CELF3: variants seen among roughly 807,000 people sequenced by gnomAD.
CELF3 encodes CUGBP Elav-like family member 3, also known as CAG repeat domain.
CELF3 carries 26 observed loss-of-function variants against 59.6 expected under a neutral mutation model. The ratio of observed to expected loss-of-function variants is 0.44; its 90% CI spans 0.32 to 0.61. The LOEUF is 0.61. Among genes scored for constraint, CELF3 ranks in the 20% least tolerant of loss-of-function variants. The pLI is 0.06. For synonymous variants in CELF3, 245 were observed against 250.7 expected, an observed-to-expected ratio of 0.98 and a Z score of 0.22; for missense variants, 387 against 627.2, an observed-to-expected ratio of 0.62 and a Z score of 4.09.
rs554683989 is a variant in CELF3, at chr1:151,705,576, A to C, written c.1270+246T>G. On this transcript the variant is annotated intron_variant, in intron 11 of 12. Coordinates refer to ENST00000290583, the MANE Select transcript of CELF3 (RefSeq NM_007185.7). This position sits in a 1 kb window ranked among gnomAD's most constrained non-coding sequence, Gnocchi z 5.1. ...TGCAAACCAAACATCCCCAGACCAT[A>C]AGCCTATTTCAGACCTCATGGGACA... is the stretch of plus-strand genomic sequence containing the variant. 6.6e-6 allele frequency among the ~76,000 whole-genome samples: 1 copy of C among 152,186 alleles called. No individual in the cohort carries two copies. The highest frequency in any genetic ancestry group is 2.4e-5 in the African/African-American group (1 of 41,510).
chr1:151,708,471 ACCC>A, intron 5 of CELF3: 1 of 184,608 alleles, frequency 5.4e-6, no homozygotes, highest in Non-Finnish European at 1.1e-5. Context: ...ACAGTTCTCT[ACCC>A]AATGCTGTGT....
At position 151,700,854 on chromosome 1, in the gene CELF3, G is replaced by A. The variant is rs1160057152; in HGVS notation, c.*2605C>T. Among the ~76,000 whole-genome samples, 1 of 152,194 alleles carries A rather than the reference G, an allele frequency of 6.6e-6. No individual in the cohort carries two copies. Among genetic ancestry groups the A allele is most frequent in the African/African-American group, 2.4e-5 (1 of 41,444 alleles). The stretch of plus-strand genomic sequence containing the variant: ...TTTATGGGAGAAAGTTTTAGCATTG[G>A]CCCTATGATGATGTAGATATGGATG... On this transcript the variant is annotated 3_prime_UTR_variant, in exon 13 of 13. Transcript: ENST00000290583.
intron 1 of CELF3, among the ~76,000 whole-genome samples, chr1:151,715,269 G>A (rs763060991): frequency 1.1e-4 from 16 of 151,916 alleles, no homozygotes; most frequent in South Asian, 2.1e-4. Flanking sequence ...CCACTTAGCC[G>A]CACAGCCCTT....
In CELF3 at chr1:151,706,728, C is replaced by T; in HGVS notation, c.929G>A (p.Ser310Asn). The T allele has an allele frequency of 1.3e-6, 2 of 1,549,718 alleles. No individual in the cohort carries two copies. The highest frequency in any genetic ancestry group is 2.4e-5 in the East Asian group (1 of 40,906). Residue 310 changes from serine to asparagine, a missense_variant, in exon 9 of 13, where the codon AGC becomes AAC. Ser to Asn is a conservative substitution (Grantham distance 46). Coordinates refer to ENST00000290583, the MANE Select transcript of CELF3 (RefSeq NM_007185.7). ...PNGVHPYPAQ[S>N]PAAPVDPLQQ... ...CAGGGGGTCCACGGGGGCCGCGGGG[C>T]TCTGGGCTGGGGAGAGCAGCACAGA...
chr1:151,705,969 G>T lies in CELF3; in HGVS notation c.1127-4C>A. The T allele has an allele frequency of 3.7e-6, 6 of 1,613,782 alleles. No homozygotes were observed. Among genetic ancestry groups the T allele is most frequent in the Non-Finnish European group, 5.1e-6 (6 of 1,179,800 alleles). ...AAGATGTTGCAGCCATCAGGGCCTG[G>T]GTGGCGACAGAGACAGAAGAAAGAG... On this transcript the variant is annotated splice_polypyrimidine_tract_variant and splice_region_variant and intron_variant, in intron 10 of 12. Coordinates refer to ENST00000290583, the MANE Select transcript of CELF3 (RefSeq NM_007185.7). This position sits in a 1 kb window ranked among gnomAD's most constrained non-coding sequence, Gnocchi z 5.1.
chr1:151,704,887 C>G, intron 12 of CELF3, 144 bp downstream of exon 12: 1 of 820,916 alleles, frequency 1.2e-6, no homozygotes, highest in Non-Finnish European at 1.9e-6. Context: ...TGCCCCAGCC[C>G]CCTGCTTCAA....
Position 151,707,163 on chromosome 1 carries a change from C to G in CELF3, c.904G>C (p.Gly302Arg). The G allele has an allele frequency of 1.3e-6, 2 of 1,517,236 alleles. No homozygotes were observed. Among genetic ancestry groups the G allele is most frequent in the Non-Finnish European group, 1.8e-6 (2 of 1,138,074 alleles). The allele number at this position is 1,517,236 out of a possible 1,614,324, so 94.0% of individuals were successfully genotyped here. Residue 302 changes from glycine (G) to arginine (R), a missense_variant, in exon 8 of 13, where the codon GGG (glycine) becomes CGG (arginine). By Grantham distance (125) the Gly-to-Arg change is moderately radical. Transcript: ENST00000290583. ...QPAPDALYPNGVHPYPAQSPA... is the reference protein window; with the variant it reads ...QPAPDALYPNRVHPYPAQSPA... The stretch of plus-strand genomic sequence containing the variant: ...GTCCCACCTGGGTAGGGGTGAACCC[C>G]GTTGGGATACAGAGCATCAGGGGCA...
At chr1:151,711,840 G>T (rs1249082196) in intron 2 of CELF3, 1 of 152,252 alleles carries the variant, frequency 6.6e-6, no homozygotes, top group Non-Finnish European at 1.5e-5. Context: ...TGTTCTAGAT[G>T]GAGATGGGAA....
intron 9 of CELF3, 118 bp downstream of exon 9, chr1:151,706,551 A>C: frequency 7.8e-7 from 1 of 1,278,596 alleles, no homozygotes; most frequent in Non-Finnish European, 1.1e-6. Context: ...TGGGCTTGTC[A>C]GTAAAGCCTG....
In CELF3 at chr1:151,707,219, C is replaced by T. The variant is rs770168963; in HGVS notation, c.848G>A (p.Ser283Asn). ...CCCAGTGGGCTGGGTGGGCACCGGGCTGTAGCCGTTGACGCCCAGGGCAGC... is the reference window on the plus strand; with the variant it reads ...CCCAGTGGGCTGGGTGGGCACCGGGTTGTAGCCGTTGACGCCCAGGGCAGC... ...IPAALGVNGYSPVPTQPTGQP... is the reference protein window; with the variant it reads ...IPAALGVNGYNPVPTQPTGQP... Residue 283 changes from serine (S) to asparagine (N), a missense_variant, in exon 8 of 13, where the codon AGC (serine) becomes AAC (asparagine). Around this residue, in one of 3 missense-constraint regions of CELF3, gnomAD observed 131 missense variants for 153.7 expected, o/e 0.85. Coordinates refer to ENST00000290583, the MANE Select transcript of CELF3 (RefSeq NM_007185.7). 1.9e-6 allele frequency: 3 copies of T among 1,549,590 alleles called. No individual in the cohort carries two copies. In the African/African-American group the frequency reaches 4.1e-5, roughly 21 times the overall value.
chr1:151,703,194 C>A lies in CELF3; in HGVS notation c.*265G>T. 6.5e-6 allele frequency: 3 copies of A among 459,110 alleles called. No homozygotes were observed. The highest frequency in any genetic ancestry group is 1.5e-5 in the South Asian group (1 of 64,664). The allele number at this position is 459,110 out of a possible 1,614,324, so 28.4% of individuals were successfully genotyped here. ...CAGAAGGCAGATACCCCGGAGCCTTCGAGCCTGTTCCTCGCTCCCTCACAA... is the reference window on the plus strand; with the variant it reads ...CAGAAGGCAGATACCCCGGAGCCTTAGAGCCTGTTCCTCGCTCCCTCACAA... On this transcript the variant is annotated 3_prime_UTR_variant, in exon 13 of 13. Transcript: ENST00000290583.
intron 2 of CELF3, chr1:151,710,224 C>A: frequency 4.2e-6 from 1 of 237,088 alleles, no homozygotes; most frequent in Non-Finnish European, 8.4e-6. Context: ...GGAGACCCCA[C>A]AAAGGCCCAG....
chr1:151,705,803 T>C lies in CELF3; in HGVS notation c.1270+19A>G, dbSNP rs745835393. 2 of 1,612,924 alleles carry C rather than the reference T, an allele frequency of 1.2e-6. No individual in the cohort carries two copies. The highest frequency in any genetic ancestry group is 3.3e-5 in the Admixed American group (2 of 59,882). On this transcript the variant is annotated intron_variant, in intron 11 of 12. Transcript: ENST00000290583. The surrounding 1 kb of genome is among the most constrained non-coding windows in gnomAD (Gnocchi z 5.1). ...CTGATTTGGAGTATGGCAAAAAATGTGCCATATCATATTCTTACCAAAACA... is the reference window on the plus strand; with the variant it reads ...CTGATTTGGAGTATGGCAAAAAATGCGCCATATCATATTCTTACCAAAACA...
Position 151,709,681 on chromosome 1 carries a change from A to T in CELF3, c.277+62T>A. 6.6e-7 allele frequency: 1 copy of T among 1,509,984 alleles called. No homozygotes were observed. Among genetic ancestry groups the T allele is most frequent in the Non-Finnish European group, 9.2e-7 (1 of 1,085,556 alleles). 93.5% of individuals were successfully genotyped at this position (1,509,984 alleles called of 1,614,324 possible). ...CCTCAAGAAAGGCTACCCCTCGACA[A>T]CTCCAGGCCCTGGGCCTGGGGGTGG... On this transcript the variant is annotated intron_variant, in intron 3 of 12. Transcript: ENST00000290583. The surrounding 1 kb of genome is among the most constrained non-coding windows in gnomAD (Gnocchi z 4.9).
chr1:151,709,735 G>C lies in CELF3; in HGVS notation c.277+8C>G. The C allele has an allele frequency of 6.2e-7, 1 of 1,614,044 alleles. No homozygotes were observed. The highest frequency in any genetic ancestry group is 8.5e-7 in the Non-Finnish European group (1 of 1,179,886). On this transcript the variant is annotated splice_region_variant and intron_variant, in intron 3 of 12. Coordinates refer to ENST00000290583, the MANE Select transcript of CELF3 (RefSeq NM_007185.7). The surrounding 1 kb of genome is among the most constrained non-coding windows in gnomAD (Gnocchi z 4.9). ...GAGAGGGACAGAGTCCAAAGGCACA[G>C]AACCTACCTCCTCGGCTCTCGCTGT... is the stretch of plus-strand genomic sequence containing the variant.
Position 151,714,669 on chromosome 1 carries a change from G to C in CELF3, c.153C>G (p.Ala51=). The change falls in exon 2 of 13, where the codon GCC becomes GCG. Residue 51 remains alanine (A), a synonymous_variant. Coordinates refer to ENST00000290583, the MANE Select transcript of CELF3 (RefSeq NM_007185.7). The stretch of plus-strand genomic sequence containing the variant: ...AATCCCGGGCACAGTATGTCAGGAA[G>C]GCACATCCTGAGGAGGGGCAGGGGC... The part of the protein sequence containing the change: ...DKYTGLHKGC[A]FLTYCARDSA... 1 of 1,558,174 alleles carries C rather than the reference G, an allele frequency of 6.4e-7. No homozygotes were observed. Among genetic ancestry groups the C allele is most frequent in the Non-Finnish European group, 8.7e-7 (1 of 1,150,662 alleles).
At chr1:151,712,951 C>T (rs774733566) in intron 2 of CELF3, among the ~76,000 whole-genome samples, 11 of 152,104 alleles carry the variant, frequency 7.2e-5, no homozygotes, top group Admixed American at 2.0e-4. Flanking sequence ...TGCACACACA[C>T]GTGCAAACAC....
At chr1:151,706,529 C>T (rs1473862233) in intron 9 of CELF3, 140 bp downstream of exon 9, 1 of 1,189,718 alleles carries the variant, frequency 8.4e-7, no homozygotes, top group Non-Finnish European at 1.2e-6. Flanking sequence ...CTTAAAGACC[C>T]CTCCCCACAG....
At chr1:151,706,997 A>G (rs1305974493) in intron 8 of CELF3, 148 bp downstream of exon 8, 2 of 1,041,902 alleles carry the variant, frequency 1.9e-6, no homozygotes, top group Non-Finnish European at 2.7e-6. Flanking sequence ...GCCGAGCCCA[A>G]CAGGAAGGAT....
Sources: allele counts gnomAD v4.1 joint callset (sites outside exome capture counted in the v4.1 genomes callset), GRCh38; gene constraint gnomAD v4.1.1; regional missense constraint gnomAD v4.1.1; non-coding constraint Gnocchi (gnomAD v3.1); transcripts MANE v1.5; gene names NCBI Gene and HGNC (gene_info 2026-07-23, HGNC 2026-07-21).